KCNIP4: variants seen among roughly 807,000 people sequenced by gnomAD.
KCNIP4 encodes Kv channel-interacting protein 4.
In KCNIP4, 12 loss-of-function variants were observed where a neutral mutation model predicts 34.0. The ratio of observed to expected loss-of-function variants is 0.35; its 90% confidence interval spans 0.23 to 0.57. KCNIP4 has a LOEUF of 0.57. Among genes scored for constraint, KCNIP4 ranks in the 20% least tolerant of loss-of-function variants. KCNIP4 has a pLI of 0.83. For synonymous variants in KCNIP4, 124 were observed against 102.2 expected, an observed-to-expected ratio of 1.21 and a Z score of -1.29; for missense variants, 238 against 311.7, an observed-to-expected ratio of 0.76 and a Z score of 1.78.
intron 1 of KCNIP4, among the ~76,000 whole-genome samples, chr4:21,764,037 T>A (rs1421629853): frequency 6.6e-6 from 1 of 152,048 alleles, no homozygotes; most frequent in Admixed American, 6.6e-5. Flanking sequence ...ATTTTAGTAA[T>A]GAACAGTATG....
At chr4:21,690,320 G>T (rs565018565) in intron 1 of KCNIP4, among the ~76,000 whole-genome samples, 53 of 151,944 alleles carry the variant, frequency 3.5e-4, no homozygotes, top group Non-Finnish European at 6.5e-4. Flanking sequence ...TCCAAGAAAA[G>T]ATGTTGATAT....
At chr4:21,455,240 C>A (rs1473350528) in intron 1 of KCNIP4, among the ~76,000 whole-genome samples, 3 of 152,050 alleles carry the variant, frequency 2.0e-5, no homozygotes, top group Non-Finnish European at 4.4e-5. Context: ...CCCTTTTCCT[C>A]AAGCTGTCCA....
At chr4:21,399,174 AG>A (rs1358474793) in intron 1 of KCNIP4, among the ~76,000 whole-genome samples, 7 of 152,304 alleles carry the variant, frequency 4.6e-5, no homozygotes, top group Admixed American at 3.3e-4. Context: ...GGGGGCTTCC[AG>A]GTTGAGGCAT....
intron 3 of KCNIP4, among the ~76,000 whole-genome samples, chr4:20,798,514 G>GAC (rs1553897924): frequency 6.8e-6 from 1 of 147,424 alleles, no homozygotes; most frequent in East Asian, 2.0e-4. Context: ...CACACACACA[G>GAC]ACACACACAT....
intron 1 of KCNIP4, among the ~76,000 whole-genome samples, chr4:21,012,146 A>T (rs1356733154): frequency 6.6e-6 from 1 of 152,240 alleles, no homozygotes; most frequent in Non-Finnish European, 1.5e-5. Context: ...TATAGAGAAC[A>T]GAGTCAAGCC....
At chr4:21,276,219 A>C (rs1762427482) in intron 1 of KCNIP4, among the ~76,000 whole-genome samples, 1 of 152,234 alleles carries the variant, frequency 6.6e-6, no homozygotes, top group African/African-American at 2.4e-5. Context: ...TGACCGTTTA[A>C]ATTAAAATGC....
intron 1 of KCNIP4, among the ~76,000 whole-genome samples, chr4:21,452,972 GT>G (rs1414317055): frequency 6.6e-6 from 1 of 152,112 alleles, no homozygotes; most frequent in East Asian, 1.9e-4. Flanking sequence ...GAAGAGGAAT[GT>G]TTTTAGTAGA....
At chr4:20,979,575 T>C (rs1560618076) in intron 1 of KCNIP4, among the ~76,000 whole-genome samples, 1 of 152,012 alleles carries the variant, frequency 6.6e-6, no homozygotes, top group Admixed American at 6.6e-5. Flanking sequence ...TTTTTTTGTA[T>C]TTTTAGTAGA....
intron 1 of KCNIP4, among the ~76,000 whole-genome samples, chr4:21,113,455 T>TAAAAAAAAAA (rs56676152): frequency 1.6e-5 from 1 of 62,380 alleles, no homozygotes; most frequent in African/African-American, 7.0e-5. Flanking sequence ...TCTATAAGTT[T>TAAAAAAAAAA]AAAAAAAAAA....
rs559811929 is a variant in KCNIP4 at position 20,962,055 on chromosome 4, A to G, written c.62-79346T>C. Among the ~76,000 whole-genome samples, 4 of 152,120 alleles carry G rather than the reference A, an allele frequency of 2.6e-5. No individual in the cohort carries two copies. In the South Asian group the frequency reaches 8.3e-4, roughly 32 times the overall value. On this transcript the variant is annotated intron_variant, in intron 1 of 8. Transcript: ENST00000382152. ...TCACTTTCTTCCTCCTTGGGGAGGA[A>G]TGACTTTTCTGATGGGTAAATTTAG...
chr4:20,959,016 A>G (rs964882887), intron 1 of KCNIP4, among the ~76,000 whole-genome samples: 2 of 152,226 alleles, frequency 1.3e-5, no homozygotes, highest in African/African-American at 4.8e-5. Flanking sequence ...CAGTGGGTGT[A>G]TACAAATCTC....
intron 1 of KCNIP4, among the ~76,000 whole-genome samples, chr4:21,066,176 T>C (rs1000424540): frequency 1.3e-5 from 2 of 152,140 alleles, no homozygotes; most frequent in Non-Finnish European, 2.9e-5. Context: ...ATTCTTCTTA[T>C]TGTGGGCAGC....
intron 1 of KCNIP4, among the ~76,000 whole-genome samples, chr4:21,689,776 T>C (rs569711086): frequency 1.2e-3 from 189 of 152,230 alleles, no homozygotes; most frequent in African/African-American, 4.5e-3. Context: ...CTTGGCACAG[T>C]ACTTCTATGC....
chr4:21,010,342 AT>A, intron 1 of KCNIP4, among the ~76,000 whole-genome samples: 1 of 152,326 alleles, frequency 6.6e-6, no homozygotes, highest in African/African-American at 2.4e-5. Flanking sequence ...TAGAAAAGAA[AT>A]TGTACATTTA....
chr4:21,177,000 T>C (rs934105187), intron 1 of KCNIP4, among the ~76,000 whole-genome samples: 4 of 152,204 alleles, frequency 2.6e-5, no homozygotes, highest in African/African-American at 9.7e-5. Context: ...TCTATTTACA[T>C]TTTCATTAAA....
chr4:21,695,753 T>C (rs1223886951), intron 1 of KCNIP4, among the ~76,000 whole-genome samples: 1 of 152,122 alleles, frequency 6.6e-6, no homozygotes, highest in African/African-American at 2.4e-5. Context: ...AACCTTAGGA[T>C]TGCCCTATCA....
At chr4:21,837,075 G>A (rs921973581) in intron 1 of KCNIP4, among the ~76,000 whole-genome samples, 10 of 150,880 alleles carry the variant, frequency 6.6e-5, no homozygotes, top group East Asian at 2.0e-4. Context: ...CCGCCACCAC[G>A]CCTGGCTAAT....
intron 1 of KCNIP4, among the ~76,000 whole-genome samples, chr4:21,479,123 C>T (rs543281395): frequency 2.8e-4 from 43 of 152,200 alleles, no homozygotes; most frequent in African/African-American, 9.9e-4. Context: ...TGTAAGCTTC[C>T]GTGATTCAAA....
intron 1 of KCNIP4, among the ~76,000 whole-genome samples, chr4:21,453,554 A>T (rs1260109324): frequency 6.6e-6 from 1 of 151,950 alleles, no homozygotes; most frequent in African/African-American, 2.4e-5. Flanking sequence ...GCCCTTCTTC[A>T]TGCCAGTCTC....
Sources: gnomAD v4.1 joint callset for allele counts (sites outside exome capture counted in the v4.1 genomes callset) on GRCh38, gnomAD v4.1.1 for gene constraint, MANE v1.5 for transcripts, NCBI Gene and HGNC (gene_info 2026-07-23, HGNC 2026-07-21) for gene names.